The following PTPRD variants were observed in gnomAD, a reference collection of about 807,000 sequenced individuals.
The protein encoded by PTPRD is protein tyrosine phosphatase receptor type D.
PTPRD carries 34 observed loss-of-function variants against 214.5 expected under a neutral mutation model. That is an observed-to-expected ratio of 0.16 (90% CI 0.12 to 0.21). The LOEUF (loss-of-function observed/expected upper bound fraction) is 0.21, where lower values mean the gene tolerates loss of function less well. Ranked by LOEUF, PTPRD falls within the 10% of genes least tolerant of loss-of-function variation. PTPRD has a pLI of 1.00. For missense variants in PTPRD, 2,545 were observed against 2,398.7 expected (o/e 1.06, Z -1.27); for synonymous variants, 1,128 against 845.7 (o/e 1.33, Z -5.79).
At chr9:9,131,017 T>A (rs879285199) in intron 10 of PTPRD, among the ~76,000 whole-genome samples, 177 of 152,238 alleles carry the variant, frequency 1.2e-3, no homozygotes, top group Non-Finnish European at 1.0e-3. Context: ...AAGATTTTTT[T>A]AAAAGAATAA....
intron 11 of PTPRD, among the ~76,000 whole-genome samples, chr9:8,901,217 C>A (rs1168522488): frequency 2.0e-5 from 3 of 152,144 alleles, no homozygotes; most frequent in Non-Finnish European, 4.4e-5. Flanking sequence ...CGACACAAAT[C>A]TAACATTTGC....
chr9:10,478,276 C>T (rs899110917), intron 2 of PTPRD, among the ~76,000 whole-genome samples: 1 of 152,066 alleles, frequency 6.6e-6, no homozygotes, highest in African/African-American at 2.4e-5. Context: ...GGCAAGAAGC[C>T]CATTTTTCAC....
At chr9:8,981,204 C>A (rs947775728) in intron 11 of PTPRD, among the ~76,000 whole-genome samples, 2 of 151,604 alleles carry the variant, frequency 1.3e-5, no homozygotes, top group African/African-American at 4.8e-5. Flanking sequence ...TGCTGTATAC[C>A]TAATAAAGAG....
At chr9:8,681,034 T>A (rs910504941) in intron 12 of PTPRD, among the ~76,000 whole-genome samples, 3 of 152,168 alleles carry the variant, frequency 2.0e-5, no homozygotes, top group African/African-American at 7.2e-5. Flanking sequence ...TTTTTGGTAT[T>A]CCTCCTCTCC....
intron 10 of PTPRD, among the ~76,000 whole-genome samples, chr9:9,042,383 G>T (rs7034007): frequency 6.6e-6 from 1 of 151,990 alleles, no homozygotes; most frequent in Admixed American, 6.6e-5. Context: ...ATTCCAACTG[G>T]GATCACGTGC....
intron 2 of PTPRD, among the ~76,000 whole-genome samples, chr9:10,500,735 T>G (rs576356053): frequency 1.3e-5 from 2 of 151,736 alleles, no homozygotes; most frequent in East Asian, 3.9e-4. Context: ...ACAATCCTAC[T>G]CTCTATCTCC....
intron 5 of PTPRD, among the ~76,000 whole-genome samples, chr9:9,783,572 T>A (rs1391811288): frequency 6.6e-6 from 1 of 152,116 alleles, no homozygotes; most frequent in Non-Finnish European, 1.5e-5. Flanking sequence ...TACATTTTAA[T>A]TATAATTTTA....
chr9:10,242,026 A>C (rs1053813064), intron 3 of PTPRD, among the ~76,000 whole-genome samples: 1 of 151,980 alleles, frequency 6.6e-6, no homozygotes, highest in Non-Finnish European at 1.5e-5. Flanking sequence ...CTGGAGTAAA[A>C]GGCTAAAGAA....
intron 2 of PTPRD, among the ~76,000 whole-genome samples, chr9:10,518,338 T>C (rs917586883): frequency 6.6e-6 from 1 of 152,106 alleles, no homozygotes; most frequent in Non-Finnish European, 1.5e-5. Flanking sequence ...GACTGGTAAA[T>C]TCACTTATCG....
chr9:10,499,493 C>G (rs1177833447), intron 2 of PTPRD, among the ~76,000 whole-genome samples: 1 of 151,892 alleles, frequency 6.6e-6, no homozygotes, highest in Non-Finnish European at 1.5e-5. Flanking sequence ...AAAATGTCTA[C>G]ATTATTAACT....
At chr9:9,884,232 G>A (rs2069914104) in intron 5 of PTPRD, among the ~76,000 whole-genome samples, 2 of 152,220 alleles carry the variant, frequency 1.3e-5, no homozygotes, top group South Asian at 4.1e-4. Context: ...TTGACATTGT[G>A]AAGAATGGAA....
rs1047003535 is a variant in PTPRD at position 9,068,704 on chromosome 9, C to T, written c.-142-49969G>A. On this transcript the variant is annotated intron_variant, in intron 10 of 45. Transcript: ENST00000381196. ...TCAGCTCACTGCAGTCTCCGTCTCC[C>T]TGGTTCCAGCAATTCTCCTGCCTCA... is the stretch of plus-strand genomic sequence containing the variant. 7.2e-5 allele frequency among the ~76,000 whole-genome samples: 11 copies of T among 152,164 alleles called. No individual in the cohort carries two copies. The South Asian group carries it at 2.1e-3, about 29-fold the overall frequency.
chr9:9,793,889 G>A (rs1028851386), intron 5 of PTPRD, among the ~76,000 whole-genome samples: 3 of 151,894 alleles, frequency 2.0e-5, no homozygotes, highest in East Asian at 1.9e-4. Context: ...TAGTTGTATG[G>A]TACTGGAAAT....
intron 35 of PTPRD, among the ~76,000 whole-genome samples, chr9:8,429,352 C>T (rs1349214267): frequency 6.6e-6 from 1 of 151,990 alleles, no homozygotes; most frequent in Non-Finnish European, 1.5e-5. Context: ...GTCTTATGCT[C>T]CTTACCTCTA....
chr9:9,353,021 T>C (rs987066470), intron 9 of PTPRD, among the ~76,000 whole-genome samples: 5 of 151,928 alleles, frequency 3.3e-5, no homozygotes, highest in African/African-American at 1.2e-4. Flanking sequence ...ATGATAAAAT[T>C]TGAATTAATT....
intron 10 of PTPRD, among the ~76,000 whole-genome samples, chr9:9,149,269 C>G (rs2099873842): frequency 6.6e-6 from 1 of 152,152 alleles, no homozygotes; most frequent in African/African-American, 2.4e-5. Flanking sequence ...GCTTGTAGCC[C>G]TAAAACTTGG....
At chr9:9,358,410 G>C (rs972122326) in intron 9 of PTPRD, among the ~76,000 whole-genome samples, 2 of 151,174 alleles carry the variant, frequency 1.3e-5, no homozygotes, top group African/African-American at 4.8e-5. Flanking sequence ...CAGGTATCTT[G>C]CTATGTATAT....
chr9:8,556,253 G>A (rs1304103528), intron 14 of PTPRD, among the ~76,000 whole-genome samples: 1 of 152,194 alleles, frequency 6.6e-6, no homozygotes, highest in Non-Finnish European at 1.5e-5. Flanking sequence ...ACTTTACTAT[G>A]TCCAGAGCAT....
At chr9:9,886,399 G>T (rs1286090888) in intron 5 of PTPRD, among the ~76,000 whole-genome samples, 1 of 152,040 alleles carries the variant, frequency 6.6e-6, no homozygotes, top group East Asian at 1.9e-4. Context: ...ATAATATAAA[G>T]GATATTAGAC....
Sources: allele counts gnomAD v4.1 joint callset (sites outside exome capture counted in the v4.1 genomes callset), GRCh38; gene constraint gnomAD v4.1.1; transcripts MANE v1.5; gene names NCBI Gene and HGNC (gene_info 2026-07-23, HGNC 2026-07-21).